RIPOR3: variants seen among roughly 807,000 people sequenced by gnomAD.
RIPOR3 encodes the protein family with sequence similarity 65 member C.
A neutral mutation model predicts 114.3 loss-of-function variants in RIPOR3; 95 were observed. That is an observed-to-expected ratio of 0.83 (90% CI 0.70 to 0.99). RIPOR3 has a LOEUF of 0.99. Ranked by LOEUF, RIPOR3 falls within the 50% of genes least tolerant of loss-of-function variation. The pLI is 0.00. For missense variants in RIPOR3, 1,252 were observed against 1,266.9 expected, an observed-to-expected ratio of 0.99 and a Z score of 0.18; for synonymous variants, 575 against 543.8, an observed-to-expected ratio of 1.06 and a Z score of -0.80.
intron 1 of RIPOR3, among the ~76,000 whole-genome samples, chr20:50,637,853 T>G (rs1414181999): frequency 6.6e-6 from 1 of 151,988 alleles, no homozygotes; most frequent in Non-Finnish European, 1.5e-5. Context: ...CCAGCCTGGG[T>G]GATAAAGCAA....
rs202221804 is a variant in RIPOR3, at chr20:50,608,425, A to C, written c.920T>G (p.Leu307Trp). ...PQVIVVDITE[L>W]GTIKLQLEVQ... ...CTCCAGCTGCAGCTTGATGGTACCCAACTCCGTGATGTCCACCACGATGAC... is the reference window on the plus strand; with the variant it reads ...CTCCAGCTGCAGCTTGATGGTACCCCACTCCGTGATGTCCACCACGATGAC... The change falls in exon 11 of 22, where the codon TTG becomes TGG. Residue 307 changes from leucine to tryptophan, a missense_variant. Transcript: ENST00000327979. 9.4e-5 allele frequency: 151 copies of C among 1,613,918 alleles called. 1 individual carries two copies. Among genetic ancestry groups the C allele is most frequent in the Middle Eastern group, 8.3e-4 (5 of 6,060 alleles).
chr20:50,639,134 C>T (rs557924904), intron 1 of RIPOR3, among the ~76,000 whole-genome samples: 3 of 151,844 alleles, frequency 2.0e-5, no homozygotes, highest in South Asian at 2.1e-4. Context: ...CCCAGCTACT[C>T]GGGAAGCTGA....
rs1208137242 is a variant in RIPOR3 at position 50,629,306 on chromosome 20, C to T, written c.122+1432G>A. Among the ~76,000 whole-genome samples, 4 of 152,276 alleles carry T rather than the reference C, an allele frequency of 2.6e-5. No individual in the cohort carries two copies. In the South Asian group the frequency reaches 6.2e-4, roughly 24 times the overall value. On this transcript the variant is annotated intron_variant, in intron 2 of 21. Coordinates refer to ENST00000327979, the MANE Select transcript of RIPOR3 (RefSeq NM_001290268.2). ...TGCACTCTGCTCTGGCTGGGGACCC[C>T]GACCTGTCCACCCCGTTGGCTCAGA... is the stretch of plus-strand genomic sequence containing the variant.
intron 1 of RIPOR3, among the ~76,000 whole-genome samples, chr20:50,644,316 A>G (rs2085314714): frequency 6.8e-6 from 1 of 148,042 alleles, no homozygotes; most frequent in Admixed American, 6.8e-5. Flanking sequence ...TAAAAACAGT[A>G]TTTTATAACT....
chr20:50,630,878 G>C (rs2084798365), intron 1 of RIPOR3, 22 bp from the exon 2 acceptor site: 7 of 1,564,964 alleles, frequency 4.5e-6, no homozygotes, highest in Admixed American at 1.8e-5. Flanking sequence ...GGACAGGAGA[G>C]TCAGCCTGGC....
intron 19 of RIPOR3, among the ~76,000 whole-genome samples, chr20:50,591,570 G>A (rs2083109527): frequency 6.6e-6 from 1 of 152,192 alleles, no homozygotes; most frequent in Admixed American, 6.5e-5. Flanking sequence ...ATTGGCAATG[G>A]AACTGGAGAT....
chr20:50,628,288 T>C (rs542149373), intron 2 of RIPOR3, among the ~76,000 whole-genome samples: 31 of 152,244 alleles, frequency 2.0e-4, no homozygotes, highest in Non-Finnish European at 4.3e-4. Context: ...TCTTCTCGTC[T>C]TGGGGCATCA....
At chr20:50,611,277 A>C in intron 4 of RIPOR3, 73 bp from the exon 5 acceptor site, 1 of 1,600,994 alleles carries the variant, frequency 6.2e-7, no homozygotes, top group East Asian at 2.2e-5. Context: ...ATGAGGCTCT[A>C]TGCTGGCGGC....
chr20:50,654,422 GTT>G (rs34825514), intron 1 of RIPOR3, among the ~76,000 whole-genome samples: 13 of 56,114 alleles, frequency 2.3e-4, no homozygotes, highest in East Asian at 2.2e-3. Context: ...AGGAGGCAGA[GTT>G]TTTTTTTTTT....
At chr20:50,628,811 C>A (rs944157749) in intron 2 of RIPOR3, among the ~76,000 whole-genome samples, 1 of 152,178 alleles carries the variant, frequency 6.6e-6, no homozygotes, top group African/African-American at 2.4e-5. Context: ...CTGGGACACT[C>A]CAGGATCTTA....
chr20:50,630,331 G>A (rs773811112), intron 2 of RIPOR3, among the ~76,000 whole-genome samples: 1 of 152,112 alleles, frequency 6.6e-6, no homozygotes, highest in Non-Finnish European at 1.5e-5. Context: ...GCCCAGGCTG[G>A]TCTTGAGTTC....
At chr20:50,638,068 C>T (rs570043001) in intron 1 of RIPOR3, among the ~76,000 whole-genome samples, 234 of 152,050 alleles carry the variant, frequency 1.5e-3, no homozygotes, top group Non-Finnish European at 2.8e-3. Context: ...ATTTAAAGGA[C>T]CCTTGGTTTA....
At chr20:50,659,204 G>T (rs557121409) in intron 1 of RIPOR3, among the ~76,000 whole-genome samples, 4 of 152,200 alleles carry the variant, frequency 2.6e-5, no homozygotes, top group Admixed American at 6.6e-5. Context: ...ATCTGAAAAT[G>T]ATTCTGGGTT....
intron 1 of RIPOR3, among the ~76,000 whole-genome samples, chr20:50,633,299 G>A (rs1196274203): frequency 6.6e-6 from 1 of 152,138 alleles, no homozygotes; most frequent in Non-Finnish European, 1.5e-5. Context: ...ATAGTCAATT[G>A]TTAAATGTTC....
chr20:50,621,834 G>A (rs1293936609), intron 2 of RIPOR3, among the ~76,000 whole-genome samples: 2 of 152,212 alleles, frequency 1.3e-5, no homozygotes, highest in Admixed American at 1.3e-4. Flanking sequence ...AGTTGGGAGT[G>A]TGGACTGGAT....
intron 16 of RIPOR3, chr20:50,595,094 CCCT>C (rs1286318099): frequency 3.9e-6 from 2 of 519,104 alleles, no homozygotes; most frequent in Admixed American, 6.4e-5. Flanking sequence ...CCGTGCAGTG[CCCT>C]CCTCCTATGC....
chr20:50,599,453 A>T (rs549426562), intron 13 of RIPOR3, among the ~76,000 whole-genome samples: 1 of 152,318 alleles, frequency 6.6e-6, no homozygotes, highest in East Asian at 1.9e-4. Context: ...AACAGCCAGC[A>T]TCGCTACAAC....
intron 11 of RIPOR3, among the ~76,000 whole-genome samples, chr20:50,607,386 C>T (rs2083761955): frequency 6.6e-6 from 1 of 152,212 alleles, no homozygotes; most frequent in Non-Finnish European, 1.5e-5. Flanking sequence ...TGTGTCCAGC[C>T]TTGCACTCGG....
At chr20:50,656,692 G>A (rs1406826942) in intron 1 of RIPOR3, among the ~76,000 whole-genome samples, 3 of 151,986 alleles carry the variant, frequency 2.0e-5, no homozygotes, top group Non-Finnish European at 4.4e-5. Context: ...TAGAGACGGG[G>A]TTTCATCGTG....
Sources: allele counts gnomAD v4.1 joint callset (sites outside exome capture counted in the v4.1 genomes callset), GRCh38; gene constraint gnomAD v4.1.1; transcripts MANE v1.5; gene names NCBI Gene and HGNC (gene_info 2026-07-23, HGNC 2026-07-21).